SLC41A3: variants seen among roughly 807,000 people sequenced by gnomAD.
SLC41A3 encodes SLC41A1-like 2.
In SLC41A3, 44 loss-of-function variants were observed where a neutral mutation model predicts 45.4. That is an observed-to-expected ratio of 0.97 (90% CI 0.76 to 1.25). The LOEUF is 1.25. Among genes scored for constraint, SLC41A3 ranks in the 50% most tolerant of loss-of-function variants. SLC41A3 has a pLI of 0.00. For missense variants in SLC41A3, 550 were observed against 600.6 expected (o/e 0.92, Z 0.88); for synonymous variants, 256 against 252.4 (o/e 1.01, Z -0.13).
chr3:126,006,567 G>A lies in SLC41A3; in HGVS notation c.*449C>T. On this transcript the variant is annotated 3_prime_UTR_variant, in exon 11 of 11. Coordinates refer to ENST00000360370, the MANE Select transcript of SLC41A3 (RefSeq NM_017836.4). ...AGTGTGGCCCACGGAGCTTGAACCT[G>A]GTGAAGACAGCAAGTAAGCCACAGC... 6.3e-7 allele frequency: 1 copy of A among 1,592,708 alleles called. No homozygotes were observed. The highest frequency in any genetic ancestry group is 8.5e-7 in the Non-Finnish European group (1 of 1,174,706).
At chr3:126,022,653 G>T in intron 6 of SLC41A3, 133 bp downstream of exon 6, 2 of 1,163,658 alleles carry the variant, frequency 1.7e-6, no homozygotes, top group Non-Finnish European at 2.4e-6. Context: ...TCCAACACAT[G>T]AAATGTGGGG....
Position 126,026,631 on chromosome 3 carries a change from A to G in SLC41A3, c.454-152T>C. ...AAATCTCACAGGCCCTCACCCCAGGAAAAACTAATACCACACCCCACACCT... is the reference window on the plus strand; with the variant it reads ...AAATCTCACAGGCCCTCACCCCAGGGAAAACTAATACCACACCCCACACCT... On this transcript the variant is annotated intron_variant, in intron 4 of 10. Coordinates refer to ENST00000360370, the MANE Select transcript of SLC41A3 (RefSeq NM_017836.4). This position sits in a 1 kb window ranked among gnomAD's most constrained non-coding sequence, Gnocchi z 4.2. The G allele has an allele frequency of 9.6e-7, 1 of 1,045,040 alleles. No individual in the cohort carries two copies. The highest frequency in any genetic ancestry group is 1.4e-6 in the Non-Finnish European group (1 of 724,760). The allele number at this position is 1,045,040 out of a possible 1,614,324, so 64.7% of individuals were successfully genotyped here.
chr3:126,020,217 G>A (rs972133436), intron 6 of SLC41A3, among the ~76,000 whole-genome samples: 1 of 152,112 alleles, frequency 6.6e-6, no homozygotes, highest in Non-Finnish European at 1.5e-5. Context: ...AGGGAACAGA[G>A]TCCCTAGGTG....
chr3:126,085,001 C>T (rs771827732), upstream of SLC41A3, among the ~76,000 whole-genome samples: 2 of 152,202 alleles, frequency 1.3e-5, no homozygotes, highest in African/African-American at 2.4e-5. Flanking sequence ...CTACCCTATC[C>T]GAATACTTCA....
intron 1 of SLC41A3, among the ~76,000 whole-genome samples, chr3:126,074,267 T>C (rs1016246813): frequency 2.0e-4 from 30 of 151,660 alleles, no homozygotes; most frequent in South Asian, 8.4e-4. Flanking sequence ...TATTTGATAA[T>C]GATAAGAGGA....
At chr3:126,018,287 T>C (rs1327829461) in intron 6 of SLC41A3, among the ~76,000 whole-genome samples, 1 of 152,242 alleles carries the variant, frequency 6.6e-6, no homozygotes, top group South Asian at 2.1e-4. Context: ...CAAAGGTTCA[T>C]GTGATGCCTG....
intron 4 of SLC41A3, among the ~76,000 whole-genome samples, chr3:126,033,404 A>G (rs1271650175): frequency 6.8e-6 from 1 of 147,844 alleles, no homozygotes; most frequent in Non-Finnish European, 1.5e-5. Flanking sequence ...CTGGAGGGAC[A>G]ACCCTGGGTC....
chr3:126,059,310 G>GAAAGAGAAA (rs1553740822), intron 2 of SLC41A3, among the ~76,000 whole-genome samples: 2 of 88,074 alleles, frequency 2.3e-5, no homozygotes, highest in East Asian at 3.4e-4. Context: ...AAGAAAGAAA[G>GAAAGAGAAA]GAAGGATGAT....
chr3:126,090,306 AAAT>A (rs1945466448), intron 1 of SLC41A3, among the ~76,000 whole-genome samples: 1 of 152,206 alleles, frequency 6.6e-6, no homozygotes, highest in Non-Finnish European at 1.5e-5. Flanking sequence ...AATTTTATGC[AAAT>A]AATCAGGACA....
In SLC41A3 at chr3:126,077,675, G is replaced by T. The variant is rs76357801; in HGVS notation, c.-28+6418C>A. Reference sequence around the variant, plus strand: ...GGTGGTAGGCTTATGCCTCCCAACTGCTGGTAAAACATTTTCCCAAGGAAT... The same window carrying T: ...GGTGGTAGGCTTATGCCTCCCAACTTCTGGTAAAACATTTTCCCAAGGAAT... On this transcript the variant is annotated intron_variant, in intron 1 of 10. Transcript: ENST00000360370. Among the ~76,000 whole-genome samples the T allele has an allele frequency of 3.2e-3, 488 of 152,326 alleles. 1 individual carries two copies. Among genetic ancestry groups the T allele is most frequent in the Non-Finnish European group, 5.5e-3 (376 of 68,034 alleles).
At position 126,012,753 on chromosome 3, in the gene SLC41A3, C is replaced by T. The variant is rs749070875; in HGVS notation, c.971-4G>A. The T allele has an allele frequency of 6.8e-6, 11 of 1,614,100 alleles. No homozygotes were observed. Among genetic ancestry groups the T allele is most frequent in the East Asian group, 6.7e-5 (3 of 44,878 alleles). On this transcript the variant is annotated splice_region_variant and splice_polypyrimidine_tract_variant and intron_variant, in intron 8 of 10. Transcript: ENST00000360370. ...GCCACCAGATTGCCACCAACACCTA[C>T]GAGGAGAAAAGGAATCTGTTTTCCC... is the stretch of plus-strand genomic sequence containing the variant.
At chr3:126,043,507 A>G (rs1164352627) in intron 3 of SLC41A3, among the ~76,000 whole-genome samples, 1 of 152,142 alleles carries the variant, frequency 6.6e-6, no homozygotes, top group East Asian at 1.9e-4. Context: ...AAATTGTATT[A>G]TTTTAAAATT....
intron 4 of SLC41A3, 144 bp downstream of exon 4, chr3:126,033,463 G>A: frequency 1.2e-6 from 1 of 834,438 alleles, no homozygotes. Flanking sequence ...GTGGTCTATT[G>A]GATGTGGGAG....
chr3:126,077,882 T>C (rs895232187), intron 1 of SLC41A3, among the ~76,000 whole-genome samples: 2 of 152,158 alleles, frequency 1.3e-5, no homozygotes, highest in Non-Finnish European at 2.9e-5. Flanking sequence ...GCGACTGTGA[T>C]GTGCAGTGGG....
At chr3:126,073,259 G>A (rs1217176588) in intron 1 of SLC41A3, 1 of 152,172 alleles carries the variant, frequency 6.6e-6, no homozygotes, top group African/African-American at 2.4e-5. Flanking sequence ...TAGGCAAGAT[G>A]GTGAAACCCT....
chr3:126,058,999 C>T (rs754726292), intron 2 of SLC41A3, among the ~76,000 whole-genome samples: 9 of 151,798 alleles, frequency 5.9e-5, no homozygotes, highest in Non-Finnish European at 1.2e-4. Flanking sequence ...TTCCTGAAGA[C>T]AGGTCCCACT....
At chr3:126,093,420 GC>G (rs1339245837) in intron 1 of SLC41A3, among the ~76,000 whole-genome samples, 2 of 152,186 alleles carry the variant, frequency 1.3e-5, no homozygotes, top group Non-Finnish European at 2.9e-5. Flanking sequence ...TCCAGCTCAG[GC>G]CATTCCCTCA....
At chr3:126,021,080 G>A (rs1017694832) in intron 6 of SLC41A3, among the ~76,000 whole-genome samples, 1 of 152,100 alleles carries the variant, frequency 6.6e-6, no homozygotes, top group Non-Finnish European at 1.5e-5. Context: ...ATTTTTAGTA[G>A]AGACAGGATT....
chr3:126,012,033 G>A (rs898921153), intron 9 of SLC41A3, among the ~76,000 whole-genome samples: 6 of 152,108 alleles, frequency 3.9e-5, no homozygotes, highest in East Asian at 1.9e-4. Flanking sequence ...ACCTCCTTCC[G>A]GCCTCTCTGG....
Sources: gnomAD v4.1 joint callset for allele counts (sites outside exome capture counted in the v4.1 genomes callset) on GRCh38, gnomAD v4.1.1 for gene constraint, Gnocchi (gnomAD v3.1) non-coding constraint, MANE v1.5 for transcripts, NCBI Gene and HGNC (gene_info 2026-07-23, HGNC 2026-07-21) for gene names.